TIMELESS: variants seen among roughly 807,000 people sequenced by gnomAD.
TIMELESS encodes the protein protein timeless homolog.
Under a neutral mutation model 164.3 loss-of-function variants are expected in TIMELESS, and 124 were observed. The ratio of observed to expected loss-of-function variants is 0.75; its 90% CI spans 0.65 to 0.88. The LOEUF (loss-of-function observed/expected upper bound fraction) is 0.88. TIMELESS is among the 40% of genes least tolerant of loss of function. TIMELESS has a pLI of 0.00. For synonymous variants in TIMELESS, 564 were observed against 563.4 expected (o/e 1.00, Z -0.02); for missense variants, 1,422 against 1,491.4 (o/e 0.95, Z 0.77).
rs897181385 is a variant in TIMELESS, at chr12:56,416,508, T to C, written c.*1208A>G. On this transcript the variant is annotated 3_prime_UTR_variant, in exon 29 of 29. Transcript: ENST00000553532. ...CCAAGAATGGGTAAGAACATAATAT[T>C]TGCAGTATTTATCCATCCTTTTCAT... is the stretch of plus-strand genomic sequence containing the variant. 6.6e-6 allele frequency: 1 copy of C among 152,164 alleles called. No homozygotes were observed. The highest frequency in any genetic ancestry group is 1.9e-4 in the East Asian group (1 of 5,198). The allele number at this position is 152,164 out of a possible 1,614,324, so 9.4% of individuals were successfully genotyped here.
chr12:56,420,006 C>CAAAAAAAAA (rs57647901), intron 26 of TIMELESS, among the ~76,000 whole-genome samples: 873 of 13,294 alleles, frequency 0.066, 268 homozygotes, highest in Admixed American at 0.15. Context: ...GACTCTGTCT[C>CAAAAAAAAA]AAAAAAAAAA....
chr12:56,436,603 C>A (rs771234302), intron 1 of TIMELESS, among the ~76,000 whole-genome samples: 1 of 152,166 alleles, frequency 6.6e-6, no homozygotes, highest in Non-Finnish European at 1.5e-5. Flanking sequence ...CCATAACATA[C>A]TGGGTCCAAG....
At position 56,417,542 on chromosome 12, in the gene TIMELESS, A is replaced by G; in HGVS notation, c.*174T>C. On this transcript the variant is annotated 3_prime_UTR_variant, in exon 29 of 29. Transcript: ENST00000553532. ...ACTGGGAGAAACAAAGACTGACAGC[A>G]GAGAAGTCCAATACTGCTGCTGAAG... 1.6e-6 allele frequency: 1 copy of G among 612,898 alleles called. No individual in the cohort carries two copies. Among genetic ancestry groups the G allele is most frequent in the East Asian group, 2.7e-5 (1 of 36,374 alleles). The allele number at this position is 612,898 out of a possible 1,614,324, so 38.0% of individuals were successfully genotyped here. A position where few individuals can be genotyped will look rare whatever the true frequency, so the allele number is the denominator to read the frequency against.
chr12:56,432,953 CAA>C (rs67816652), intron 6 of TIMELESS, 71 bp downstream of exon 6: 9,348 of 529,838 alleles, frequency 0.018, no homozygotes, highest in East Asian at 0.023. Flanking sequence ...GACTCCGTCT[CAA>C]AAAAAAAAAA....
chr12:56,419,784 C>T (rs1474389175), intron 26 of TIMELESS, among the ~76,000 whole-genome samples: 1 of 150,926 alleles, frequency 6.6e-6, no homozygotes, highest in African/African-American at 2.4e-5. Flanking sequence ...AAAAAAATAA[C>T]AATACAACAT....
rs781063131 is a variant in TIMELESS at position 56,422,973 on chromosome 12, T to C, written c.2312A>G (p.Lys771Arg). Residue 771 changes from lysine to arginine, a missense_variant, in exon 19 of 29, where the codon AAA becomes AGA. Lys to Arg is a conservative substitution (Grantham distance 26, BLOSUM62 2). Transcript: ENST00000553532. ...TGCAAAAAATTTGCCCAGGATGTATTTGGCAAAAGTCACTAGCTCCTGTAG... is the reference window on the plus strand; with the variant it reads ...TGCAAAAAATTTGCCCAGGATGTATCTGGCAAAAGTCACTAGCTCCTGTAG... Reference protein sequence around the residue: ...GAYKELVTFAKYILGKFFALA... With the variant: ...GAYKELVTFARYILGKFFALA... 1.2e-6 allele frequency: 2 copies of C among 1,613,912 alleles called. No homozygotes were observed. Among genetic ancestry groups the C allele is most frequent in the Admixed American group, 1.7e-5 (1 of 60,006 alleles).
chr12:56,442,312 TG>T (rs1307166680), intron 1 of TIMELESS, among the ~76,000 whole-genome samples: 1 of 152,116 alleles, frequency 6.6e-6, no homozygotes, highest in Non-Finnish European at 1.5e-5. Context: ...GGGAATAGGA[TG>T]GGCATTTAAG....
chr12:56,445,422 CAAAAAAAAA>C (rs71081360), intron 1 of TIMELESS, among the ~76,000 whole-genome samples: 17 of 18,742 alleles, frequency 9.1e-4, no homozygotes, highest in Middle Eastern at 0.062. Flanking sequence ...AACTCCACGT[CAAAAAAAAA>C]AAAAAAAAAA....
chr12:56,423,442 C>G lies in TIMELESS; in HGVS notation c.2124G>C (p.Val708=), dbSNP rs1260149982. 1 of 1,614,126 alleles carries G rather than the reference C, an allele frequency of 6.2e-7. No individual in the cohort carries two copies. The highest frequency in any genetic ancestry group is 8.5e-7 in the Non-Finnish European group (1 of 1,180,026). Reference sequence around the variant, plus strand: ...TCTGCTGGTAGCTCCTTAGTAGCAGCACATAGGCTCGAACGACAGTTGAAC... The same window carrying G: ...TCTGCTGGTAGCTCCTTAGTAGCAGGACATAGGCTCGAACGACAGTTGAAC... ...FACSTVVRAY[V]LLLRSYQQNS... is the part of the protein sequence containing the mutation. The change falls in exon 18 of 29, where the codon GTG becomes GTC. Residue 708 remains valine, a synonymous_variant. Coordinates refer to ENST00000553532, the MANE Select transcript of TIMELESS (RefSeq NM_003920.5).
intron 15 of TIMELESS, among the ~76,000 whole-genome samples, chr12:56,424,413 T>C (rs1881604008): frequency 6.6e-6 from 1 of 152,240 alleles, no homozygotes; most frequent in African/African-American, 2.4e-5. Context: ...TCTTGGATAC[T>C]GCCACTTTAA....
At position 56,425,064 on chromosome 12, in the gene TIMELESS, ACTT is replaced by A. The variant is rs1180058003; in HGVS notation, c.1664_1666del (p.Glu555del). On this transcript the variant is annotated inframe_deletion, in exon 14 of 29. Coordinates refer to ENST00000553532, the MANE Select transcript of TIMELESS (RefSeq NM_003920.5). ...AGCCAGGGCTGGCCACACAGCCTCC[ACTT>A]CTTCTGGGCTAGATGGGACATTACC... 1.2e-6 allele frequency: 2 copies of A among 1,614,168 alleles called. No individual in the cohort carries two copies. The highest frequency in any genetic ancestry group is 1.7e-5 in the Admixed American group (1 of 60,014).
intron 1 of TIMELESS, among the ~76,000 whole-genome samples, chr12:56,449,099 T>A (rs1206605581): frequency 6.6e-6 from 1 of 152,228 alleles, no homozygotes; most frequent in Non-Finnish European, 1.5e-5. Flanking sequence ...AGCGTAGGGC[T>A]AAGCCCGCGT....
At chr12:56,446,872 C>G (rs1868359320) in intron 1 of TIMELESS, among the ~76,000 whole-genome samples, 1 of 151,732 alleles carries the variant, frequency 6.6e-6, no homozygotes, top group African/African-American at 2.4e-5. Flanking sequence ...ACAGAAGTGA[C>G]CTCCTTTTCC....
At chr12:56,420,058 G>A (rs1881412551) in intron 26 of TIMELESS, among the ~76,000 whole-genome samples, 2 of 88,508 alleles carry the variant, frequency 2.3e-5, no homozygotes, top group African/African-American at 8.6e-5. Context: ...ATGTGTGTGT[G>A]TGTGTGTGTG....
Position 56,416,611 on chromosome 12 carries a change from CG to C in TIMELESS, c.*1104del, listed in dbSNP as rs904758510. On this transcript the variant is annotated 3_prime_UTR_variant, in exon 29 of 29. Transcript: ENST00000553532. ...CTTTATGGCTCCTCCTTCTTCCTGC[CG>C]CATACTCTTGTCACCCTAAGAATTT... 3 of 152,156 alleles carry C rather than the reference CG, an allele frequency of 2.0e-5. No homozygotes were observed. Among genetic ancestry groups the C allele is most frequent in the African/African-American group, 7.2e-5 (3 of 41,422 alleles). The allele number at this position is 152,156 out of a possible 1,614,324, so 9.4% of individuals were successfully genotyped here.
chr12:56,429,443 C>T (rs796177498), intron 10 of TIMELESS, among the ~76,000 whole-genome samples: 6 of 151,308 alleles, frequency 4.0e-5, no homozygotes, highest in African/African-American at 1.5e-4. Flanking sequence ...GGTGATCCAC[C>T]TGCCTTGGAC....
At chr12:56,438,777 C>CAAAAAAAAAAAAAAA (rs34222190) in intron 1 of TIMELESS, among the ~76,000 whole-genome samples, 1 of 48,448 alleles carries the variant, frequency 2.1e-5, no homozygotes, top group African/African-American at 9.9e-5. Context: ...AGCTCTGTCT[C>CAAAAAAAAAAAAAAA]AAAAAAAAAA....
At position 56,421,757 on chromosome 12, in the gene TIMELESS, G is replaced by A. The variant is rs780526091; in HGVS notation, c.2695C>T (p.Arg899Trp). ...WTGDQELELQRLFEEFRDSDD... is the reference protein window; with the variant it reads ...WTGDQELELQWLFEEFRDSDD... The stretch of plus-strand genomic sequence containing the variant: ...GAGTCCCGGAATTCCTCAAAAAGCC[G>A]CTGCAGCTCCAACTCCTGATCCCCC... Residue 899 changes from arginine to tryptophan, a missense_variant, in exon 22 of 29, where the codon CGG becomes TGG. By Grantham distance (101) the Arg-to-Trp change is moderately radical. Coordinates refer to ENST00000553532, the MANE Select transcript of TIMELESS (RefSeq NM_003920.5). 9 of 1,613,982 alleles carry A rather than the reference G, an allele frequency of 5.6e-6. No homozygotes were observed. Among genetic ancestry groups the A allele is most frequent in the African/African-American group, 2.7e-5 (2 of 74,898 alleles).
At chr12:56,438,189 G>A (rs1342422348) in intron 1 of TIMELESS, among the ~76,000 whole-genome samples, 1 of 152,096 alleles carries the variant, frequency 6.6e-6, no homozygotes, top group African/African-American at 2.4e-5. Flanking sequence ...GGGATTACAG[G>A]CATGCACCAC....
Sources: gnomAD v4.1 joint callset for allele counts (sites outside exome capture counted in the v4.1 genomes callset) on GRCh38, gnomAD v4.1.1 for gene constraint, MANE v1.5 for transcripts, NCBI Gene and HGNC (gene_info 2026-07-23, HGNC 2026-07-21) for gene names.